Variants in RTN4 observed in about 807,000 individuals in gnomAD.
RTN4 encodes reticulon-4.
A neutral mutation model predicts 90.4 loss-of-function variants in RTN4; 32 were observed. That is an observed-to-expected ratio of 0.35 (90% CI 0.27 to 0.48). RTN4 has a LOEUF of 0.48. Among genes scored for constraint, RTN4 ranks in the 20% least tolerant of loss-of-function variants. RTN4 has a pLI of 0.99. For missense variants in RTN4, 1,706 were observed against 1,430.2 expected, an observed-to-expected ratio of 1.19 and a Z score of -3.11; for synonymous variants, 629 against 552.5, an observed-to-expected ratio of 1.14 and a Z score of -1.94.
At chr2:54,986,422 G>A (rs945027336) in intron 4 of RTN4, among the ~76,000 whole-genome samples, 5 of 152,242 alleles carry the variant, frequency 3.3e-5, no homozygotes, top group African/African-American at 9.6e-5. Context: ...ATTACAGTAC[G>A]AAACCAGCTA....
intron 1 of RTN4, among the ~76,000 whole-genome samples, chr2:55,042,039 C>G (rs994134265): frequency 6.6e-6 from 1 of 151,926 alleles, no homozygotes; most frequent in Non-Finnish European, 1.5e-5. Flanking sequence ...AAAGAATAGG[C>G]AAAAGCTGTG....
At chr2:55,120,976 G>A in the RTN4 span, among the ~76,000 whole-genome samples, 1 of 152,062 alleles carries the variant, frequency 6.6e-6, no homozygotes, top group Non-Finnish European at 1.5e-5. Context: ...TGGCCACCAG[G>A]ACAGCTGGAA....
At chr2:55,129,576 T>A in the RTN4 span, among the ~76,000 whole-genome samples, 1 of 133,132 alleles carries the variant, frequency 7.5e-6, no homozygotes, top group East Asian at 2.1e-4. Context: ...AAAGCAAGAC[T>A]GTTTTTTTTT....
Position 55,065,526 on chromosome 2 carries a change from T to A in RTN4, c.-63+14963A>T, listed in dbSNP as rs532417124. ...TAAAACTTATAAAATAAAAAAAAAA[T>A]TTTTCATCAAGAGTAGAATGGATTA... On this transcript the variant is annotated intron_variant, in intron 2 of 3. Coordinates refer to the RTN4 transcript ENST00000427710. 5.3e-3 allele frequency among the ~76,000 whole-genome samples: 794 copies of A among 151,056 alleles called. 4 individuals are homozygous for A. The highest frequency in any genetic ancestry group is 7.7e-3 in the African/African-American group (319 of 41,338).
At chr2:55,100,600 T>C (rs1667834906) in intron 1 of RTN4, among the ~76,000 whole-genome samples, 1 of 152,112 alleles carries the variant, frequency 6.6e-6, no homozygotes, top group Non-Finnish European at 1.5e-5. Context: ...AGGTACATCT[T>C]CTCTAAACCT....
At position 55,027,039 on chromosome 2, in the gene RTN4, C is replaced by G; in HGVS notation, c.1060G>C (p.Val354Leu). The change falls in exon 3 of 9, where the codon GTT becomes CTT. Residue 354 changes from valine (V) to leucine (L), a missense_variant. By Grantham distance (32) the Val-to-Leu change is conservative (BLOSUM62 1). Transcript: ENST00000337526. ...GAAGACACAACTTCATCCTCTTTAACCAATTTAGTAAGAGCTGTAGGTAAC... is the reference window on the plus strand; with the variant it reads ...GAAGACACAACTTCATCCTCTTTAAGCAATTTAGTAAGAGCTGTAGGTAAC... ...QELPTALTKL[V>L]KEDEVVSSEK... The G allele has an allele frequency of 1.9e-6, 3 of 1,613,512 alleles. No homozygotes were observed. In the South Asian group the frequency reaches 3.3e-5, roughly 18 times the overall value.
At chr2:55,033,595 C>G (rs576922728) in intron 1 of RTN4, among the ~76,000 whole-genome samples, 1 of 152,210 alleles carries the variant, frequency 6.6e-6, no homozygotes, top group East Asian at 1.9e-4. Context: ...GACATGGTAT[C>G]GAGTGTTTTT....
chr2:55,037,536 T>A (rs1026333244), intron 1 of RTN4, among the ~76,000 whole-genome samples: 2 of 152,186 alleles, frequency 1.3e-5, no homozygotes, highest in Non-Finnish European at 2.9e-5. Context: ...CCATGTGAAA[T>A]GGAGCTGAGG....
In RTN4 at chr2:55,026,321, G is replaced by C. The variant is rs747323616; in HGVS notation, c.1778C>G (p.Ala593Gly). The change falls in exon 3 of 9, where the codon GCA becomes GGA. Residue 593 changes from alanine (A) to glycine (G), a missense_variant. Ala to Gly is a moderately conservative substitution (Grantham distance 60). Transcript: ENST00000337526. ...SEVMQESLYPAAQLCPSFEES... is the reference protein window; with the variant it reads ...SEVMQESLYPGAQLCPSFEES... ...TTCAAATGATGGGCAAAGCTGTGCTGCAGGATAGAGTGACTCTTGCATAAC... is the reference window on the plus strand; with the variant it reads ...TTCAAATGATGGGCAAAGCTGTGCTCCAGGATAGAGTGACTCTTGCATAAC... 6.2e-7 allele frequency: 1 copy of C among 1,613,960 alleles called. No individual in the cohort carries two copies. Among genetic ancestry groups the C allele is most frequent in the South Asian group, 1.1e-5 (1 of 91,084 alleles).
intron 2 of RTN4, among the ~76,000 whole-genome samples, chr2:55,068,689 T>TGGG (rs1668437281): frequency 1.7e-5 from 1 of 57,402 alleles, no homozygotes; most frequent in Admixed American, 2.2e-4. Context: ...GGGGGGGGGG[T>TGGG]GGGGGCTAGT....
Position 55,021,402 on chromosome 2 carries a change from CA to C in RTN4, c.3013+3683del, listed in dbSNP as rs1187290291. ...TCATCTTTTTCCCTGCCCCCCCCGC[CA>C]AAAAAAAATCTCATATAGTGCCTGA... On this transcript the variant is annotated intron_variant, in intron 3 of 8. Coordinates refer to ENST00000337526, the MANE Select transcript of RTN4 (RefSeq NM_020532.5). Among the ~76,000 whole-genome samples the C allele has an allele frequency of 4.3e-3, 636 of 148,756 alleles. 8 individuals carry two copies. The highest frequency in any genetic ancestry group is 0.014 in the African/African-American group (579 of 40,522).
chr2:54,978,431 C>CAAAAAA (rs10718270), intron 5 of RTN4, among the ~76,000 whole-genome samples: 2 of 81,118 alleles, frequency 2.5e-5, no homozygotes, highest in Admixed American at 1.5e-4. Flanking sequence ...ACTCTATCTC[C>CAAAAAA]AAAAAAAAAA....
intron 1 of RTN4, among the ~76,000 whole-genome samples, chr2:55,091,628 GA>G (rs1237122331): frequency 6.6e-6 from 1 of 152,164 alleles, no homozygotes; most frequent in Non-Finnish European, 1.5e-5. Context: ...AGGAGTTTGG[GA>G]CCTGCCTGGG....
chr2:55,022,072 A>G (rs1681483063), intron 3 of RTN4, among the ~76,000 whole-genome samples: 1 of 152,130 alleles, frequency 6.6e-6, no homozygotes, highest in Non-Finnish European at 1.5e-5. Context: ...CTTCTAAACT[A>G]TTAGGCTATA....
chr2:55,071,543 CAAAAAA>C (rs71410418), intron 2 of RTN4, among the ~76,000 whole-genome samples: 15 of 99,504 alleles, frequency 1.5e-4, no homozygotes, highest in Non-Finnish European at 2.0e-4. Context: ...CATTTGCCAT[CAAAAAA>C]AAAAAAAAAA....
chr2:55,013,991 G>A (rs1401667830), intron 3 of RTN4, among the ~76,000 whole-genome samples: 1 of 152,034 alleles, frequency 6.6e-6, no homozygotes, highest in East Asian at 1.9e-4. Context: ...TAAAAAATAA[G>A]AAACAATTAT....
chr2:54,976,535 G>A (rs1020392067), intron 5 of RTN4, among the ~76,000 whole-genome samples: 2 of 152,224 alleles, frequency 1.3e-5, no homozygotes, highest in Non-Finnish European at 1.5e-5. Context: ...TTCCAGGCCA[G>A]TGTTGCCAGA....
intron 1 of RTN4, among the ~76,000 whole-genome samples, chr2:55,096,326 CAA>C (rs113297587): frequency 3.6e-5 from 5 of 137,474 alleles, no homozygotes; most frequent in Non-Finnish European, 4.8e-5. Flanking sequence ...AACTCTGCCT[CAA>C]AAAAAAAAAA....
In RTN4 at chr2:55,027,289, A is replaced by G. The variant is rs201526211; in HGVS notation, c.810T>C (p.Ser270=). ...TCTCTGAGACCTCTTTAGAAGCTTC[A>G]CTGACATTTTCTTGAAGTGTTCCTT... is the stretch of plus-strand genomic sequence containing the variant. ...PTEGTLQENV[S]EASKEVSEKA... The change falls in exon 3 of 9, where the codon AGT becomes AGC. Residue 270 remains serine (S), a synonymous_variant. Transcript: ENST00000337526. 1.7e-5 allele frequency: 27 copies of G among 1,613,570 alleles called. No homozygotes were observed. Among genetic ancestry groups the G allele is most frequent in the South Asian group, 1.2e-4 (11 of 91,080 alleles).
Sources: allele counts gnomAD v4.1 joint callset (sites outside exome capture counted in the v4.1 genomes callset), GRCh38; gene constraint gnomAD v4.1.1; transcripts MANE v1.5; gene names NCBI Gene and HGNC (gene_info 2026-07-23, HGNC 2026-07-21).